ADCY8: variants seen among roughly 807,000 people sequenced by gnomAD.
ADCY8 encodes adenylate cyclase 8.
In ADCY8, 51 loss-of-function variants were observed where a neutral mutation model predicts 119.7. The ratio of observed to expected loss-of-function variants is 0.43; its 90% confidence interval spans 0.34 to 0.54. ADCY8 has a LOEUF of 0.54. Ranked by LOEUF, ADCY8 falls within the 20% of genes least tolerant of loss-of-function variation. The pLI, the probability that ADCY8 is intolerant of heterozygous loss-of-function variation, is 0.03. For synonymous variants in ADCY8, 665 were observed against 651.0 expected, an observed-to-expected ratio of 1.02 and a Z score of -0.33; for missense variants, 1,383 against 1,598.8, an observed-to-expected ratio of 0.87 and a Z score of 2.30.
rs200933615 is a variant in ADCY8, at chr8:130,951,876, C to T, written c.1233G>A (p.Glu411=). The change falls in exon 3 of 18, where the codon GAG becomes GAA. Residue 411 remains glutamate (E), a synonymous_variant. Coordinates refer to ENST00000286355, the MANE Select transcript of ADCY8 (RefSeq NM_001115.3). The part of the protein sequence containing the change: ...QFHRIYIHRY[E]NVSILFADVK... ...GGTGTTGTGTTTCTCACCTGACGTTCTCATAGCGATGGATGTAGATCCGAT... is the reference window on the plus strand; with the variant it reads ...GGTGTTGTGTTTCTCACCTGACGTTTTCATAGCGATGGATGTAGATCCGAT... The T allele has an allele frequency of 6.2e-7, 1 of 1,614,066 alleles. No individual in the cohort carries two copies. The highest frequency in any genetic ancestry group is 8.5e-7 in the Non-Finnish European group (1 of 1,179,968).
chr8:130,992,675 A>G (rs1356615863), intron 1 of ADCY8, among the ~76,000 whole-genome samples: 2 of 151,932 alleles, frequency 1.3e-5, no homozygotes, highest in Non-Finnish European at 2.9e-5. Flanking sequence ...TGGGCCTCCC[A>G]AAGTGCTGGG....
rs1384419352 is a variant in ADCY8 at position 130,897,485 on chromosome 8, G to C, written c.1911+6287C>G. Among the ~76,000 whole-genome samples the C allele has an allele frequency of 2.6e-5, 4 of 151,682 alleles. No homozygotes were observed. The South Asian group carries it at 8.3e-4, about 32-fold the overall frequency. On this transcript the variant is annotated intron_variant, in intron 7 of 17. Transcript: ENST00000286355. ...TTTTACTACTAGGCACATGTGAGAG[G>C]CTGCCTAGTGTTGCCTTGTTCCAGG...
intron 8 of ADCY8, among the ~76,000 whole-genome samples, chr8:130,877,503 C>G (rs1444711512): frequency 6.6e-6 from 1 of 152,184 alleles, no homozygotes; most frequent in East Asian, 1.9e-4. Flanking sequence ...AGTGAACACT[C>G]TGAGCCATGC....
intron 2 of ADCY8, among the ~76,000 whole-genome samples, chr8:130,952,255 A>G (rs1194326340): frequency 6.6e-6 from 1 of 152,194 alleles, no homozygotes. Context: ...TAAGGAAGAT[A>G]CATTAAGTAT....
At chr8:130,950,979 C>T (rs959095843) in intron 3 of ADCY8, among the ~76,000 whole-genome samples, 4 of 152,126 alleles carry the variant, frequency 2.6e-5, no homozygotes, top group East Asian at 1.9e-4. Context: ...ATTACAGGCG[C>T]GAGCGACCGT....
At chr8:130,783,650 T>G in intron 17 of ADCY8, 41 bp downstream of exon 17, 1 of 1,484,758 alleles carries the variant, frequency 6.7e-7, no homozygotes, top group Non-Finnish European at 9.3e-7. Context: ...TGGAGCAAGG[T>G]CAGCTGGCTC....
rs1399170724 is a variant in ADCY8 at position 130,897,227 on chromosome 8, G to C, written c.1911+6545C>G. On this transcript the variant is annotated intron_variant, in intron 7 of 17. Coordinates refer to ENST00000286355, the MANE Select transcript of ADCY8 (RefSeq NM_001115.3). ...AGGCTCAGCATTGGATCCACAAGGA[G>C]GTTTCAATCAGGACGGCAATCAGAT... 2.6e-5 allele frequency among the ~76,000 whole-genome samples: 4 copies of C among 152,054 alleles called. No individual in the cohort carries two copies. In the East Asian group the frequency reaches 7.7e-4, roughly 29 times the overall value.
chr8:130,929,752 T>A (rs1209291053), intron 5 of ADCY8, among the ~76,000 whole-genome samples: 1 of 152,194 alleles, frequency 6.6e-6, no homozygotes, highest in African/African-American at 2.4e-5. Flanking sequence ...TCTACTATAG[T>A]TATAATATAG....
chr8:130,927,583 G>C (rs1269720962), intron 5 of ADCY8, among the ~76,000 whole-genome samples: 1 of 152,130 alleles, frequency 6.6e-6, no homozygotes, highest in Non-Finnish European at 1.5e-5. Flanking sequence ...TATGCAGAAA[G>C]TTTTTAGTTT....
chr8:130,965,819 T>C lies in ADCY8; in HGVS notation c.1111-13821A>G, dbSNP rs531931372. On this transcript the variant is annotated intron_variant, in intron 2 of 17. Coordinates refer to ENST00000286355, the MANE Select transcript of ADCY8 (RefSeq NM_001115.3). ...AAGGTTTATGTATAATTTTTCATAA[T>C]TCTTCATTTTAGTTTGCTTTTTCAA... 8.5e-5 allele frequency among the ~76,000 whole-genome samples: 13 copies of C among 152,340 alleles called. No individual in the cohort carries two copies. In the South Asian group the frequency reaches 2.7e-3, roughly 32 times the overall value.
At chr8:130,974,955 G>A (rs550882516) in intron 2 of ADCY8, among the ~76,000 whole-genome samples, 11 of 152,260 alleles carry the variant, frequency 7.2e-5, no homozygotes, top group East Asian at 5.8e-4. Flanking sequence ...TCTAGAAGGC[G>A]ACATACCTCT....
Position 130,983,329 on chromosome 8 carries a change from G to T in ADCY8, c.1110+7064C>A, listed in dbSNP as rs1027234024. Among the ~76,000 whole-genome samples the T allele has an allele frequency of 3.3e-5, 5 of 152,302 alleles. No homozygotes were observed. In the East Asian group the frequency reaches 9.6e-4, roughly 29 times the overall value. On this transcript the variant is annotated intron_variant, in intron 2 of 17. Coordinates refer to ENST00000286355, the MANE Select transcript of ADCY8 (RefSeq NM_001115.3). ...CAGGGTAGGATATGGGAAGATAAATGTATGGACGTCTCTGTCCTCCCACAC... is the reference window on the plus strand; with the variant it reads ...CAGGGTAGGATATGGGAAGATAAATTTATGGACGTCTCTGTCCTCCCACAC...
chr8:130,790,677 T>G (rs1307078998), intron 15 of ADCY8, among the ~76,000 whole-genome samples: 2 of 152,112 alleles, frequency 1.3e-5, no homozygotes, highest in African/African-American at 4.8e-5. Context: ...GGTCATCCAT[T>G]TTACCCCCAT....
At chr8:130,814,606 T>A (rs575052494) in intron 13 of ADCY8, among the ~76,000 whole-genome samples, 1 of 152,328 alleles carries the variant, frequency 6.6e-6, no homozygotes, top group East Asian at 1.9e-4. Context: ...AATGGACTTC[T>A]AGTTCCACAT....
chr8:130,848,788 A>G (rs1258944532), intron 10 of ADCY8, among the ~76,000 whole-genome samples: 1 of 152,234 alleles, frequency 6.6e-6, no homozygotes, highest in Non-Finnish European at 1.5e-5. Context: ...TACTTGTAAA[A>G]GCACAGAAAA....
In ADCY8 at chr8:130,903,841, A is replaced by G. The variant is rs780942439; in HGVS notation, c.1842T>C (p.Ser614=). The part of the protein sequence containing the change: ...ESVSSSDRRN[S]GATFTEGSWS... ...AGGATCCTTCAGTGAATGTGGCCCC[A>G]CTGTTTCTCCGGTCTGAGGAGCTCA... Residue 614 remains serine, a synonymous_variant, in exon 7 of 18, where the codon AGT becomes AGC. Transcript: ENST00000286355. 1.9e-6 allele frequency: 3 copies of G among 1,613,754 alleles called. No individual in the cohort carries two copies. In the African/African-American group the frequency reaches 4.0e-5, roughly 22 times the overall value.
At chr8:131,003,225 C>CACACAT (rs1823009986) in intron 1 of ADCY8, among the ~76,000 whole-genome samples, 1 of 151,850 alleles carries the variant, frequency 6.6e-6, no homozygotes, top group Non-Finnish European at 1.5e-5. Flanking sequence ...CACACACACA[C>CACACAT]ACACACACAC....
intron 8 of ADCY8, among the ~76,000 whole-genome samples, chr8:130,870,580 G>T (rs1483886473): frequency 6.6e-6 from 1 of 152,136 alleles, no homozygotes; most frequent in Non-Finnish European, 1.5e-5. Flanking sequence ...TGAACACTCA[G>T]ATCCTGAGCC....
At position 130,947,595 on chromosome 8, in the gene ADCY8, T is replaced by C. The variant is rs572682119; in HGVS notation, c.1242-4133A>G. ...ACAGGACAGATGTAGTGATCACACA[T>C]GTTGACAGGGCTGGCTGGAAATTAA... On this transcript the variant is annotated intron_variant, in intron 3 of 17. Coordinates refer to ENST00000286355, the MANE Select transcript of ADCY8 (RefSeq NM_001115.3). Among the ~76,000 whole-genome samples the C allele has an allele frequency of 3.3e-5, 5 of 152,284 alleles. No individual in the cohort carries two copies. The South Asian group carries it at 8.3e-4, about 25-fold the overall frequency.
Sources: gnomAD v4.1 joint callset for allele counts (sites outside exome capture counted in the v4.1 genomes callset) on GRCh38, gnomAD v4.1.1 for gene constraint, MANE v1.5 for transcripts, NCBI Gene and HGNC (gene_info 2026-07-23, HGNC 2026-07-21) for gene names.